The following ALDH1A2 variants were observed in gnomAD, a reference collection of about 807,000 sequenced individuals.
ALDH1A2 encodes retinal dehydrogenase 2.
In ALDH1A2, 27 loss-of-function variants were observed where a neutral mutation model predicts 60.3. The observed-to-expected ratio is 0.45, with a 90% CI of 0.33 to 0.62. The LOEUF is 0.62. Ranked by LOEUF, ALDH1A2 falls within the 20% of genes least tolerant of loss-of-function variation. ALDH1A2 has a pLI of 0.02. For synonymous variants in ALDH1A2, 289 were observed against 232.4 expected (o/e 1.24, Z -2.21); for missense variants, 581 against 643.8 (o/e 0.90, Z 1.06).
intron 1 of ALDH1A2, chr15:58,065,157 C>G (rs1205572531): frequency 3.4e-6 from 1 of 292,326 alleles, no homozygotes; most frequent in East Asian, 1.2e-4. Flanking sequence ...GGCCAGGCTG[C>G]GTGGCCAAGC....
chr15:57,980,522 G>A, intron 7 of ALDH1A2: 1 of 271,074 alleles, frequency 3.7e-6, no homozygotes, highest in Non-Finnish European at 7.8e-6. Flanking sequence ...GGAGATGCAG[G>A]TGAGTCCCTT....
chr15:58,061,610 C>CAAAAAAAAAAA (rs1216992550), intron 1 of ALDH1A2, among the ~76,000 whole-genome samples: 1 of 100,330 alleles, frequency 1.0e-5, no homozygotes, highest in African/African-American at 3.5e-5. Context: ...AAAAAAAAAA[C>CAAAAAAAAAAA]AAAAAAAAAA....
chr15:57,996,970 G>A (rs553296862), intron 4 of ALDH1A2, among the ~76,000 whole-genome samples: 86 of 151,996 alleles, frequency 5.7e-4, no homozygotes, highest in African/African-American at 2.0e-3. Context: ...AGAGCTCTAT[G>A]GATATTAAGG....
chr15:57,963,533 C>T (rs1011144846), intron 9 of ALDH1A2, among the ~76,000 whole-genome samples: 4 of 151,764 alleles, frequency 2.6e-5, no homozygotes, highest in East Asian at 1.9e-4. Flanking sequence ...TTAGTAGAGA[C>T]AGGGTTTCAC....
intron 1 of ALDH1A2, among the ~76,000 whole-genome samples, chr15:58,020,256 T>C (rs1236818040): frequency 6.6e-6 from 1 of 152,252 alleles, no homozygotes; most frequent in Non-Finnish European, 1.5e-5. Context: ...ACCTTTGCTA[T>C]TGTGAATAGT....
At chr15:58,060,100 A>G (rs1357819922) in intron 1 of ALDH1A2, among the ~76,000 whole-genome samples, 2 of 152,098 alleles carry the variant, frequency 1.3e-5, no homozygotes, top group Non-Finnish European at 2.9e-5. Flanking sequence ...TCATATTTTT[A>G]GTAGAGATGG....
At chr15:57,975,684 A>G (rs1894225757) in intron 7 of ALDH1A2, among the ~76,000 whole-genome samples, 1 of 152,236 alleles carries the variant, frequency 6.6e-6, no homozygotes, top group South Asian at 2.1e-4. Context: ...TATGCACGAC[A>G]TAGACAGATC....
At chr15:57,983,865 G>A (rs1406085321) in intron 7 of ALDH1A2, among the ~76,000 whole-genome samples, 1 of 152,140 alleles carries the variant, frequency 6.6e-6, no homozygotes, top group Non-Finnish European at 1.5e-5. Context: ...AACAACTTAA[G>A]TTTTAAATTT....
At position 58,040,271 on chromosome 15, in the gene ALDH1A2, G is replaced by GA. The variant is rs200529866; in HGVS notation, c.117+25262dup. 1.0e-3 allele frequency among the ~76,000 whole-genome samples: 154 copies of GA among 151,990 alleles called. 2 individuals are homozygous for GA. In the East Asian group the frequency reaches 0.027, roughly 27 times the overall value. ...CTCTGAATCCACAGCTGAAGAGGCA[G>GA]AATTGTTTGATAAGTACATTCTTTC... On this transcript the variant is annotated intron_variant, in intron 1 of 12. Transcript: ENST00000249750.
Position 58,003,101 on chromosome 15 carries a change from G to A in ALDH1A2, c.493+7548C>T, listed in dbSNP as rs961448833. Among the ~76,000 whole-genome samples, 5 of 151,936 alleles carry A rather than the reference G, an allele frequency of 3.3e-5. No homozygotes were observed. The East Asian group carries it at 5.8e-4, about 18-fold the overall frequency. ...TCTACGACTATTCCACTACATGATC[G>A]TAACAAAAGTTAGTTTACTTCTCTG... On this transcript the variant is annotated intron_variant, in intron 4 of 12. Transcript: ENST00000249750.
intron 7 of ALDH1A2, among the ~76,000 whole-genome samples, chr15:57,979,071 G>A (rs1237004648): frequency 6.6e-6 from 1 of 152,002 alleles, no homozygotes; most frequent in Non-Finnish European, 1.5e-5. Context: ...GGGAGTTGGG[G>A]GGATTAGGCC....
intron 1 of ALDH1A2, among the ~76,000 whole-genome samples, chr15:58,048,858 T>C (rs1195479075): frequency 1.3e-5 from 2 of 152,044 alleles, no homozygotes; most frequent in African/African-American, 2.4e-5. Flanking sequence ...ATAAGCTGTA[T>C]GTATCTGATG....
intron 4 of ALDH1A2, among the ~76,000 whole-genome samples, chr15:58,005,384 A>C (rs1377863478): frequency 8.2e-5 from 4 of 48,794 alleles, no homozygotes; most frequent in African/African-American, 1.6e-4. Context: ...CATCTTAGTT[A>C]TTTGCCTTTG....
rs1489854366 is a variant in ALDH1A2 at position 57,954,654 on chromosome 15, C to G, written c.*543G>C. 1 of 180,856 alleles carries G rather than the reference C, an allele frequency of 5.5e-6. No homozygotes were observed. The highest frequency in any genetic ancestry group is 2.3e-5 in the African/African-American group (1 of 42,578). 11.2% of individuals were successfully genotyped at this position (180,856 alleles called of 1,614,324 possible). On this transcript the variant is annotated 3_prime_UTR_variant, in exon 13 of 13. Coordinates refer to ENST00000249750, the MANE Select transcript of ALDH1A2 (RefSeq NM_003888.4). The stretch of plus-strand genomic sequence containing the variant: ...CATTCTGGTCTGACTCTAGCTAAAA[C>G]CATTTCATGTTTTGCTTTGAAGAAA...
intron 1 of ALDH1A2, among the ~76,000 whole-genome samples, chr15:58,061,172 C>G (rs899594805): frequency 6.6e-6 from 1 of 151,998 alleles, no homozygotes; most frequent in Admixed American, 6.6e-5. Flanking sequence ...GGGCAGGACC[C>G]CAGGAGAATT....
chr15:57,962,146 C>G lies in ALDH1A2; in HGVS notation c.1117G>C (p.Glu373Gln). The change falls in exon 10 of 13, where the codon GAA (glutamate) becomes CAA (glutamine). Residue 373 changes from glutamate to glutamine, a missense_variant. Coordinates refer to ENST00000249750, the MANE Select transcript of ALDH1A2 (RefSeq NM_003888.4). ...TCAGCCACACCACTCTGGATGAGTTCCAAGATCTTGTTGTACTGTTTCTTA... is the reference window on the plus strand; with the variant it reads ...TCAGCCACACCACTCTGGATGAGTTGCAAGATCTTGTTGTACTGTTTCTTA... ...IDKKQYNKIL[E>Q]LIQSGVAEGA... The G allele has an allele frequency of 6.2e-7, 1 of 1,614,130 alleles. No individual in the cohort carries two copies. The highest frequency in any genetic ancestry group is 8.5e-7 in the Non-Finnish European group (1 of 1,180,002).
intron 7 of ALDH1A2, among the ~76,000 whole-genome samples, chr15:57,969,239 C>T (rs1008063270): frequency 6.6e-6 from 1 of 152,254 alleles, no homozygotes; most frequent in African/African-American, 2.4e-5. Context: ...TAGTCCCTTA[C>T]CAATAAGGAA....
At chr15:58,016,654 T>C (rs953674380) in intron 1 of ALDH1A2, among the ~76,000 whole-genome samples, 8 of 152,202 alleles carry the variant, frequency 5.3e-5, no homozygotes, top group Non-Finnish European at 1.0e-4. Context: ...GATATTTTAG[T>C]GATCTTATAT....
chr15:57,997,989 TC>T (rs1895121923), intron 4 of ALDH1A2, among the ~76,000 whole-genome samples: 1 of 151,992 alleles, frequency 6.6e-6, no homozygotes, highest in Non-Finnish European at 1.5e-5. Context: ...TCAATAAAAT[TC>T]AACATTCCTT....
Sources: gnomAD v4.1 joint callset for allele counts (sites outside exome capture counted in the v4.1 genomes callset) on GRCh38, gnomAD v4.1.1 for gene constraint, MANE v1.5 for transcripts, NCBI Gene and HGNC (gene_info 2026-07-23, HGNC 2026-07-21) for gene names.